Variants in CAMKMT observed in about 807,000 individuals in gnomAD.
CAMKMT encodes the protein CaM KMT.
In CAMKMT, 53 loss-of-function variants were observed where a neutral mutation model predicts 48.0. That is an observed-to-expected ratio of 1.10 (90% CI 0.89 to 1.39). CAMKMT has a LOEUF of 1.39. Among genes scored for constraint, CAMKMT ranks in the 40% most tolerant of loss-of-function variants. The probability of loss-of-function intolerance (pLI) is 0.00; values close to 1 mark genes in which losing one functional copy is unlikely to be tolerated. For synonymous variants in CAMKMT, 165 were observed against 152.3 expected (o/e 1.08, Z -0.61); for missense variants, 428 against 402.7 (o/e 1.06, Z -0.54).
chr2:44,578,240 T>A (rs1185555111), intron 3 of CAMKMT, among the ~76,000 whole-genome samples: 1 of 152,196 alleles, frequency 6.6e-6, no homozygotes, highest in Admixed American at 6.5e-5. Flanking sequence ...TAACATAAAG[T>A]ACTTTAACAT....
At chr2:44,475,616 A>G (rs1378150707) in intron 3 of CAMKMT, among the ~76,000 whole-genome samples, 4 of 152,124 alleles carry the variant, frequency 2.6e-5, no homozygotes, top group East Asian at 1.9e-4. Context: ...CGCCTGGCCT[A>G]TAAGTAGAAA....
intron 2 of CAMKMT, among the ~76,000 whole-genome samples, chr2:44,384,500 C>CTTTTTTTTTTTT (rs141017634): frequency 1.1e-3 from 101 of 95,648 alleles, no homozygotes; most frequent in East Asian, 1.7e-3. Context: ...AGCTATTTAT[C>CTTTTTTTTTTTT]TTTTTTTTTT....
intron 3 of CAMKMT, among the ~76,000 whole-genome samples, chr2:44,403,026 T>G (rs994746739): frequency 6.6e-6 from 1 of 152,026 alleles, no homozygotes; most frequent in African/African-American, 2.4e-5. Context: ...TTTCATTACA[T>G]TTCTGATGAT....
chr2:44,427,244 G>T (rs1462251341), intron 3 of CAMKMT, among the ~76,000 whole-genome samples: 4 of 152,120 alleles, frequency 2.6e-5, no homozygotes, highest in Admixed American at 2.6e-4. Flanking sequence ...CTGGACATTG[G>T]CCTAGGCAAA....
At chr2:44,538,950 GTGTGTGTC>G (rs1380638136) in intron 3 of CAMKMT, among the ~76,000 whole-genome samples, 9 of 102,648 alleles carry the variant, frequency 8.8e-5, no homozygotes, top group Admixed American at 1.3e-4. Context: ...CTCTTTCTGT[GTGTGTGTC>G]TGTGTGTGTG....
intron 3 of CAMKMT, among the ~76,000 whole-genome samples, chr2:44,695,035 G>A (rs1462302413): frequency 6.6e-6 from 1 of 152,210 alleles, no homozygotes; most frequent in Non-Finnish European, 1.5e-5. Context: ...TTAATTTAAA[G>A]TTTGGGGATG....
intron 3 of CAMKMT, among the ~76,000 whole-genome samples, chr2:44,660,374 T>C (rs1472963927): frequency 1.3e-5 from 2 of 152,220 alleles, no homozygotes; most frequent in African/African-American, 2.4e-5. Flanking sequence ...AAGGGGATGC[T>C]CCAGGGTCTG....
chr2:44,678,439 C>T (rs553792160), intron 3 of CAMKMT, among the ~76,000 whole-genome samples: 2 of 152,296 alleles, frequency 1.3e-5, no homozygotes, highest in South Asian at 4.1e-4. Context: ...ACAGCATGAC[C>T]ACCCTTGGTA....
intron 3 of CAMKMT, among the ~76,000 whole-genome samples, chr2:44,611,035 C>T (rs1671568328): frequency 6.6e-6 from 1 of 152,104 alleles, no homozygotes; most frequent in Admixed American, 6.5e-5. Context: ...AGGAGTGGTC[C>T]AGGGAGGATA....
chr2:44,715,391 A>G (rs746198290), intron 7 of CAMKMT, 38 bp downstream of exon 7: 14 of 1,495,158 alleles, frequency 9.4e-6, no homozygotes, highest in Admixed American at 1.8e-5. Context: ...TCCCATTGAA[A>G]TTGCTTTTCT....
intron 3 of CAMKMT, among the ~76,000 whole-genome samples, chr2:44,513,602 C>T (rs892442882): frequency 2.0e-5 from 3 of 152,270 alleles, no homozygotes; most frequent in Non-Finnish European, 2.9e-5. Flanking sequence ...GAGCTCCTCT[C>T]GGGACCATAG....
intron 8 of CAMKMT, among the ~76,000 whole-genome samples, chr2:44,751,691 C>T (rs1029845523): frequency 2.0e-5 from 3 of 152,208 alleles, no homozygotes; most frequent in Non-Finnish European, 2.9e-5. Flanking sequence ...CCCCTTCTTC[C>T]TTATCTCTTT....
At chr2:44,696,551 GA>G (rs1676962389) in intron 3 of CAMKMT, among the ~76,000 whole-genome samples, 1 of 152,168 alleles carries the variant, frequency 6.6e-6, no homozygotes, top group Non-Finnish European at 1.5e-5. Flanking sequence ...ATTCTTTGGA[GA>G]GGGTTAAACT....
intron 3 of CAMKMT, among the ~76,000 whole-genome samples, chr2:44,525,464 C>T (rs909264177): frequency 6.6e-6 from 1 of 152,118 alleles, no homozygotes; most frequent in Non-Finnish European, 1.5e-5. Context: ...CCATATTAGC[C>T]AGGATGGTCT....
intron 7 of CAMKMT, among the ~76,000 whole-genome samples, chr2:44,723,315 G>A (rs556775956): frequency 1.2e-4 from 18 of 152,160 alleles, no homozygotes; most frequent in South Asian, 1.0e-3. Context: ...TTTTCTTGCC[G>A]GGAGTTGTAG....
At chr2:44,463,372 A>G (rs574795942) in intron 3 of CAMKMT, among the ~76,000 whole-genome samples, 4 of 152,356 alleles carry the variant, frequency 2.6e-5, no homozygotes, top group African/African-American at 9.6e-5. Flanking sequence ...ATTGAAAGAG[A>G]TAAGACAAGT....
intron 3 of CAMKMT, among the ~76,000 whole-genome samples, chr2:44,592,334 C>A (rs2103822392): frequency 6.6e-6 from 1 of 152,160 alleles, no homozygotes; most frequent in Non-Finnish European, 1.5e-5. Context: ...CTTGTGCCTT[C>A]CATTTCATCT....
At chr2:44,566,125 C>T (rs1489599887) in intron 3 of CAMKMT, among the ~76,000 whole-genome samples, 1 of 152,194 alleles carries the variant, frequency 6.6e-6, no homozygotes, top group Non-Finnish European at 1.5e-5. Flanking sequence ...TATTAGAAGA[C>T]TGGCACATCT....
intron 3 of CAMKMT, among the ~76,000 whole-genome samples, chr2:44,639,996 G>T (rs1019211383): frequency 6.6e-6 from 1 of 152,180 alleles, no homozygotes; most frequent in Non-Finnish European, 1.5e-5. Context: ...CTGGCAGGAA[G>T]CATCTATCAA....
Sources: gnomAD v4.1 joint callset for allele counts (sites outside exome capture counted in the v4.1 genomes callset) on GRCh38, gnomAD v4.1.1 for gene constraint, MANE v1.5 for transcripts, NCBI Gene and HGNC (gene_info 2026-07-23, HGNC 2026-07-21) for gene names.